MAST1: variants seen among roughly 807,000 people sequenced by gnomAD.
MAST1 encodes microtubule-associated serine/threonine-protein kinase 1.
Under a neutral mutation model 124.6 loss-of-function variants are expected in MAST1, and 40 were observed. The ratio of observed to expected loss-of-function variants is 0.32; its 90% CI spans 0.25 to 0.42. The LOEUF is 0.42. Among genes scored for constraint, MAST1 ranks in the 10% least tolerant of loss-of-function variants. The pLI is 1.00. For synonymous variants in MAST1, 938 were observed against 939.4 expected, an observed-to-expected ratio of 1.00 and a Z score of 0.03; for missense variants, 1,558 against 2,181.9, an observed-to-expected ratio of 0.71 and a Z score of 5.70.
rs189339339 is a variant in MAST1, at chr19:12,843,957, G to T, written c.327+350G>T. Among the ~76,000 whole-genome samples, 257 of 152,226 alleles carry T rather than the reference G, an allele frequency of 1.7e-3. No homozygotes were observed. Among genetic ancestry groups the T allele is most frequent in the Non-Finnish European group, 3.0e-3 (203 of 68,012 alleles). On this transcript the variant is annotated intron_variant, in intron 4 of 25. Coordinates refer to ENST00000251472, the MANE Select transcript of MAST1 (RefSeq NM_014975.3). This position sits in a 1 kb window ranked among gnomAD's most constrained non-coding sequence, Gnocchi z 4.9. ...TATAGGCTACAGTTGAGCTGAGATC[G>T]CACTGCAGCATTCCAGTCTGGATGA... is the stretch of plus-strand genomic sequence containing the variant.
chr19:12,858,524 C>G lies in MAST1; in HGVS notation c.1158-7C>G, dbSNP rs767445495. On this transcript the variant is annotated splice_region_variant and splice_polypyrimidine_tract_variant and intron_variant, in intron 11 of 25. Coordinates refer to ENST00000251472, the MANE Select transcript of MAST1 (RefSeq NM_014975.3). ...TGACGGCCGGTCCTCGCTCTCTCCC[C>G]CTGCAGCGCTGTCTACCTGGTGCGG... 1.9e-6 allele frequency: 3 copies of G among 1,613,670 alleles called. No individual in the cohort carries two copies. The highest frequency in any genetic ancestry group is 2.5e-6 in the Non-Finnish European group (3 of 1,179,596).
intron 10 of MAST1, among the ~76,000 whole-genome samples, chr19:12,856,457 C>G (rs1970018734): frequency 6.6e-6 from 1 of 152,030 alleles, no homozygotes; most frequent in Admixed American, 6.6e-5. Context: ...CAACCACCAC[C>G]ACGCCTGGCT....
At position 12,869,229 on chromosome 19, in the gene MAST1, C is replaced by T; in HGVS notation, c.2937C>T (p.Phe979=). The T allele has an allele frequency of 1.2e-6, 2 of 1,614,172 alleles. No individual in the cohort carries two copies. The highest frequency in any genetic ancestry group is 8.5e-7 in the Non-Finnish European group (1 of 1,180,036). The change falls in exon 22 of 26, where the codon TTC becomes TTT. Residue 979 remains phenylalanine, a synonymous_variant. Coordinates refer to ENST00000251472, the MANE Select transcript of MAST1 (RefSeq NM_014975.3). The part of the protein sequence containing the change: ...TIQRSGKKYG[F]TLRAIRVYMG... ...AGCGCTCGGGCAAGAAGTATGGCTTCACACTGCGTGCCATCCGTGTCTACA... is the reference window on the plus strand; with the variant it reads ...AGCGCTCGGGCAAGAAGTATGGCTTTACACTGCGTGCCATCCGTGTCTACA...
chr19:12,873,444 T>TACGCACGGGCTGCCGGCGCGCTCGCCC lies in MAST1; in HGVS notation c.3391_3417dup (p.Gly1131_His1139dup), dbSNP rs777362770. 8 of 1,612,448 alleles carry TACGCACGGGCTGCCGGCGCGCTCGCCC rather than the reference T, an allele frequency of 5.0e-6. No individual in the cohort carries two copies. The highest frequency in any genetic ancestry group is 1.3e-5 in the African/African-American group (1 of 75,046). On this transcript the variant is annotated inframe_insertion, in exon 25 of 26. Coordinates refer to ENST00000251472, the MANE Select transcript of MAST1 (RefSeq NM_014975.3). ...CCAGCGATAGTCTCCCGGGCTCGCC[T>TACGCACGGGCTGCCGGCGCGCTCGCCC]ACGCACGGGCTGCCGGCGCGCTCGC...
In MAST1 at chr19:12,866,704, C is replaced by T. The variant is rs748412353; in HGVS notation, c.2081C>T (p.Thr694Met). ...HVNSYDEDDT[T>M]EEEPVEIRQF... ...AACTCCTATGACGAGGATGACACGACGGAGGAGGAGCCCGTGGAAATCCGC... is the reference window on the plus strand; with the variant it reads ...AACTCCTATGACGAGGATGACACGATGGAGGAGGAGCCCGTGGAAATCCGC... The change falls in exon 18 of 26, where the codon ACG becomes ATG. Residue 694 changes from threonine to methionine, a missense_variant. Physicochemically the swap from Thr to Met is moderately conservative, Grantham distance 81. Around this residue, in one of 10 missense-constraint regions of MAST1, gnomAD observed 287 missense variants for 308.0 expected, o/e 0.93. Coordinates refer to ENST00000251472, the MANE Select transcript of MAST1 (RefSeq NM_014975.3). The surrounding 1 kb of genome is among the most constrained non-coding windows in gnomAD (Gnocchi z 5.2). 2 of 1,613,944 alleles carry T rather than the reference C, an allele frequency of 1.2e-6. No homozygotes were observed. The highest frequency in any genetic ancestry group is 1.1e-5 in the South Asian group (1 of 91,062).
At chr19:12,852,959 ATTTTT>A (rs1232967512) in intron 10 of MAST1, among the ~76,000 whole-genome samples, 2 of 151,810 alleles carry the variant, frequency 1.3e-5, no homozygotes, top group Non-Finnish European at 2.9e-5. Flanking sequence ...ATTTTATTTT[ATTTTT>A]ATTTATTTAT....
chr19:12,850,643 T>C (rs1275395322), intron 7 of MAST1, among the ~76,000 whole-genome samples: 3 of 152,206 alleles, frequency 2.0e-5, no homozygotes, highest in African/African-American at 7.2e-5. Context: ...AAAACACATA[T>C]AGGTTGGTGC....
Position 12,866,222 on chromosome 19 carries a change from G to A in MAST1, c.2029+120G>A. ...GTACCAAGATGTGATGCCTAGGTGC[G>A]AAGGTGGTATTTTGGTGGGGGCGGG... On this transcript the variant is annotated intron_variant, in intron 17 of 25. Transcript: ENST00000251472. This position sits in a 1 kb window ranked among gnomAD's most constrained non-coding sequence, Gnocchi z 5.2. 1 of 894,508 alleles carries A rather than the reference G, an allele frequency of 1.1e-6. No homozygotes were observed. The highest frequency in any genetic ancestry group is 1.8e-5 in the African/African-American group (1 of 56,612). The allele number at this position is 894,508 out of a possible 1,614,324, so 55.4% of individuals were successfully genotyped here. A position where few individuals can be genotyped will look rare whatever the true frequency, so the allele number is the denominator to read the frequency against.
At position 12,874,220 on chromosome 19, in the gene MAST1, G is replaced by C. The variant is rs372234355; in HGVS notation, c.4063G>C (p.Val1355Leu). Reference sequence around the variant, plus strand: ...GCCCGAGGGTGCCTCCAGGCCACCAGTGTCGAGCAAGGAGAAGGAATCCCC... The same window carrying C: ...GCCCGAGGGTGCCTCCAGGCCACCACTGTCGAGCAAGGAGAAGGAATCCCC... ...LLPEGASRPP[V>L]SSKEKESPGG... Residue 1355 changes from valine to leucine, a missense_variant, in exon 26 of 26, where the codon GTG (valine) becomes CTG (leucine). By Grantham distance (32) the Val-to-Leu change is conservative (BLOSUM62 1). This residue lies in a region of MAST1 where 263 missense variants were observed against 310.9 expected (regional missense o/e 0.85). Coordinates refer to ENST00000251472, the MANE Select transcript of MAST1 (RefSeq NM_014975.3). This position sits in a 1 kb window ranked among gnomAD's most constrained non-coding sequence, Gnocchi z 6.6. 10 of 1,547,558 alleles carry C rather than the reference G, an allele frequency of 6.5e-6. No homozygotes were observed. The East Asian group carries it at 1.5e-4, about 23-fold the overall frequency.
Position 12,867,639 on chromosome 19 carries a change from G to A in MAST1, c.2305G>A (p.Gly769Ser). 6.2e-7 allele frequency: 1 copy of A among 1,600,774 alleles called. No homozygotes were observed. Among genetic ancestry groups the A allele is most frequent in the Non-Finnish European group, 8.5e-7 (1 of 1,174,056 alleles). The change falls in exon 19 of 26, where the codon GGC becomes AGC. Residue 769 changes from glycine (G) to serine (S), a missense_variant. By Grantham distance (56) the Gly-to-Ser change is moderately conservative (BLOSUM62 0). Coordinates refer to ENST00000251472, the MANE Select transcript of MAST1 (RefSeq NM_014975.3). Reference sequence around the variant, plus strand: ...CCTGCGTGAGAAGACCTGGAGAGGGGGCTCTCCGGAGATGTGAGCAGGGGA... The same window carrying A: ...CCTGCGTGAGAAGACCTGGAGAGGGAGCTCTCCGGAGATGTGAGCAGGGGA... ...LTLREKTWRG[G>S]SPEIKRFSAS... is the part of the protein sequence containing the mutation.
intron 10 of MAST1, among the ~76,000 whole-genome samples, chr19:12,858,039 C>T (rs1399655058): frequency 9.1e-6 from 1 of 110,474 alleles, no homozygotes; most frequent in East Asian, 2.9e-4. Flanking sequence ...AAAAAAAAAG[C>T]TCTAACTGTA....
chr19:12,873,240 T>A, intron 24 of MAST1, 84 bp from the exon 25 acceptor site: 1 of 1,376,932 alleles, frequency 7.3e-7, no homozygotes, highest in Non-Finnish European at 1.0e-6. Flanking sequence ...GGTGGGTGGT[T>A]ACCGTTGTGA....
intron 24 of MAST1, 194 bp from the exon 25 acceptor site, chr19:12,873,130 T>G (rs1321778834): frequency 1.0e-5 from 6 of 583,032 alleles, no homozygotes; most frequent in Non-Finnish European, 1.8e-5. Context: ...CCAAAGGGGG[T>G]GGGTGGGGAC....
chr19:12,855,940 AT>A (rs34217759), intron 10 of MAST1, among the ~76,000 whole-genome samples: 6,738 of 137,702 alleles, frequency 0.049, 359 homozygotes, highest in African/African-American at 0.15. Flanking sequence ...AATTCTGTCA[AT>A]TTTTTTTTTT....
In MAST1 at chr19:12,874,685, C is replaced by A; in HGVS notation, c.4528C>A (p.Pro1510Thr). The change falls in exon 26 of 26, where the codon CCC becomes ACC. Residue 1510 changes from proline (P) to threonine (T), a missense_variant. Physicochemically the swap from Pro to Thr is conservative, Grantham distance 38 (BLOSUM62 -1). Coordinates refer to ENST00000251472, the MANE Select transcript of MAST1 (RefSeq NM_014975.3). This position sits in a 1 kb window ranked among gnomAD's most constrained non-coding sequence, Gnocchi z 6.6. ...AAAGCTCTCCCCGGAGCCCCAGACA[C>A]CCTCCCTAGCCCCAGCGAAGTGCAG... Reference protein sequence around the residue: ...SPKLSPEPQTPSLAPAKCSAP... With the variant: ...SPKLSPEPQTTSLAPAKCSAP... 1 of 1,551,436 alleles carries A rather than the reference C, an allele frequency of 6.4e-7. No homozygotes were observed. Among genetic ancestry groups the A allele is most frequent in the Non-Finnish European group, 8.7e-7 (1 of 1,144,246 alleles).
chr19:12,847,201 C>G lies in MAST1; in HGVS notation c.328-89C>G. The G allele has an allele frequency of 1.2e-6, 1 of 811,212 alleles. No individual in the cohort carries two copies. Among genetic ancestry groups the G allele is most frequent in the Non-Finnish European group, 2.0e-6 (1 of 494,820 alleles). 50.3% of individuals were successfully genotyped at this position (811,212 alleles called of 1,614,324 possible). On this transcript the variant is annotated intron_variant, in intron 4 of 25. Transcript: ENST00000251472. This position sits in a 1 kb window ranked among gnomAD's most constrained non-coding sequence, Gnocchi z 5.5. ...TCCTGATCCTGGCCTTGCCCAGTGA[C>G]CCCATCGGCTTTGGGAGTCCCAGCT... is the stretch of plus-strand genomic sequence containing the variant.
chr19:12,864,825 C>T lies in MAST1; in HGVS notation c.1383C>T (p.Thr461=), dbSNP rs1599588295. 6.2e-7 allele frequency: 1 copy of T among 1,613,926 alleles called. No individual in the cohort carries two copies. Among genetic ancestry groups the T allele is most frequent in the Non-Finnish European group, 8.5e-7 (1 of 1,180,022 alleles). Residue 461 remains threonine (T), a synonymous_variant, in exon 13 of 26, where the codon ACC becomes ACT. Coordinates refer to ENST00000251472, the MANE Select transcript of MAST1 (RefSeq NM_014975.3). ...GGCCTGCAGGCGGCGACTGTGCCACCCTGCTGAAGAATATTGGAGCGCTGC... is the reference window on the plus strand; with the variant it reads ...GGCCTGCAGGCGGCGACTGTGCCACTCTGCTGAAGAATATTGGAGCGCTGC... ...MEYVEGGDCA[T]LLKNIGALPV... is the part of the protein sequence containing the mutation.
Position 12,858,415 on chromosome 19 carries a change from C to G in MAST1, c.1131C>G (p.Ile377Met). The stretch of plus-strand genomic sequence containing the variant: ...CGGGGGAGAATGACTTCGATACCAT[C>G]AAGCTCATAAGCAACGGTGCCTACG... The part of the protein sequence containing the change: ...KPPGENDFDT[I>M]KLISNGAYGA... The change falls in exon 11 of 26, where the codon ATC becomes ATG. Residue 377 changes from isoleucine to methionine, a missense_variant. By Grantham distance (10) the Ile-to-Met change is conservative (BLOSUM62 1). This residue lies in a region of MAST1 where 136 missense variants were observed against 160.9 expected (regional missense o/e 0.85). Transcript: ENST00000251472. 4.3e-6 allele frequency: 7 copies of G among 1,614,046 alleles called. No individual in the cohort carries two copies. The highest frequency in any genetic ancestry group is 5.9e-6 in the Non-Finnish European group (7 of 1,179,992).
intron 12 of MAST1, 78 bp downstream of exon 12, chr19:12,858,817 G>A (rs773070444): frequency 7.1e-7 from 1 of 1,398,762 alleles, no homozygotes; most frequent in Non-Finnish European, 1.0e-6. Flanking sequence ...TGCCTGAGCC[G>A]CAGTCTCCAT....
Sources: gnomAD v4.1 joint callset for allele counts (sites outside exome capture counted in the v4.1 genomes callset) on GRCh38, gnomAD v4.1.1 for gene constraint, gnomAD v4.1.1 regional missense constraint, Gnocchi (gnomAD v3.1) non-coding constraint, MANE v1.5 for transcripts, NCBI Gene and HGNC (gene_info 2026-07-23, HGNC 2026-07-21) for gene names.